Variants in PHACTR1 observed in about 807,000 individuals in gnomAD.
PHACTR1 encodes RPEL repeat containing 1.
A neutral mutation model predicts 69.2 loss-of-function variants in PHACTR1; 16 were observed. That is an observed-to-expected ratio of 0.23 (90% CI 0.16 to 0.35). PHACTR1 has a LOEUF of 0.35. Among genes scored for constraint, PHACTR1 ranks in the 10% least tolerant of loss-of-function variants. The pLI is 1.00. For synonymous variants in PHACTR1, 312 were observed against 284.5 expected (o/e 1.10, Z -0.97); for missense variants, 510 against 734.7 (o/e 0.69, Z 3.54).
At chr6:13,286,435 CTG>C in intron 14 of PHACTR1, among the ~76,000 whole-genome samples, 1 of 152,316 alleles carries the variant, frequency 6.6e-6, no homozygotes, top group Non-Finnish European at 1.5e-5. Flanking sequence ...TCTGCAAAGT[CTG>C]AGTTTCACTC....
chr6:12,915,053 A>G (rs1325784429), intron 4 of PHACTR1, among the ~76,000 whole-genome samples: 1 of 152,220 alleles, frequency 6.6e-6, no homozygotes, highest in Non-Finnish European at 1.5e-5. Flanking sequence ...TTGTCTGCAT[A>G]AAGACGGCTT....
intron 4 of PHACTR1, among the ~76,000 whole-genome samples, chr6:12,875,580 G>GT (rs1466310733): frequency 6.6e-6 from 1 of 152,124 alleles, no homozygotes; most frequent in Non-Finnish European, 1.5e-5. Flanking sequence ...TGAAAGACCA[G>GT]TAAAAAAGGT....
At chr6:12,901,972 G>A (rs1389220657) in intron 4 of PHACTR1, among the ~76,000 whole-genome samples, 1 of 152,084 alleles carries the variant, frequency 6.6e-6, no homozygotes, top group Non-Finnish European at 1.5e-5. Flanking sequence ...GCAATGTCTG[G>A]GACGTTTTTG....
In PHACTR1 at chr6:12,808,542, A is replaced by T. The variant is rs1293316408; in HGVS notation, c.250+58752A>T. On this transcript the variant is annotated intron_variant, in intron 4 of 14. Coordinates refer to ENST00000332995, the MANE Select transcript of PHACTR1 (RefSeq NM_030948.6). ...TATGAAAATAGTGGTAAAACTACAT[A>T]AAACTTATACAAAGGAATACAAGGA... Among the ~76,000 whole-genome samples the T allele has an allele frequency of 2.6e-5, 4 of 152,202 alleles. No individual in the cohort carries two copies. The South Asian group carries it at 8.3e-4, about 32-fold the overall frequency.
At chr6:12,948,090 A>G (rs1790874764) in intron 4 of PHACTR1, among the ~76,000 whole-genome samples, 1 of 152,176 alleles carries the variant, frequency 6.6e-6, no homozygotes. Flanking sequence ...GGCCAAGCTG[A>G]TTGGCAACAG....
chr6:12,783,699 T>C (rs1771119325), intron 4 of PHACTR1, among the ~76,000 whole-genome samples: 1 of 152,204 alleles, frequency 6.6e-6, no homozygotes, highest in South Asian at 2.1e-4. Flanking sequence ...ATCTTGGAAA[T>C]TATTGCCTCC....
chr6:12,855,962 C>T (rs542274483), intron 4 of PHACTR1, among the ~76,000 whole-genome samples: 1 of 152,254 alleles, frequency 6.6e-6, no homozygotes, highest in African/African-American at 2.4e-5. Context: ...AATTCCAGAG[C>T]CTTACAGCCC....
At chr6:12,725,125 A>G (rs1354214151) in intron 3 of PHACTR1, among the ~76,000 whole-genome samples, 3 of 152,220 alleles carry the variant, frequency 2.0e-5, no homozygotes, top group Admixed American at 2.0e-4. Flanking sequence ...TTGGAAATAC[A>G]GAGGAATTCA....
intron 6 of PHACTR1, among the ~76,000 whole-genome samples, chr6:13,161,485 T>C (rs928407244): frequency 2.0e-5 from 3 of 152,134 alleles, no homozygotes; most frequent in Non-Finnish European, 4.4e-5. Context: ...GGTCTTCTGA[T>C]TGTTTCATGC....
intron 4 of PHACTR1, among the ~76,000 whole-genome samples, chr6:12,854,491 C>T (rs1406105430): frequency 2.0e-5 from 3 of 152,084 alleles, no homozygotes; most frequent in African/African-American, 7.2e-5. Context: ...GAAATATCAC[C>T]GTTAGATGGA....
intron 10 of PHACTR1, 112 bp downstream of exon 10, chr6:13,230,305 A>C (rs1161641821): frequency 6.5e-7 from 1 of 1,528,336 alleles, no homozygotes; most frequent in African/African-American, 1.4e-5. Flanking sequence ...TAATCCCAGC[A>C]CTTTGGGAGG....
In PHACTR1 at chr6:13,179,405, CGTGTGTGTGT is replaced by C. The variant is rs4053019; in HGVS notation, c.497-3083_497-3074del. Among the ~76,000 whole-genome samples the C allele has an allele frequency of 0.03, 4,201 of 142,032 alleles. 89 individuals are homozygous for C. The highest frequency in any genetic ancestry group is 0.044 in the Admixed American group (617 of 13,996). 93.2% of individuals were successfully genotyped at this position (142,032 alleles called of 152,430 possible). A position where few individuals can be genotyped will look rare whatever the true frequency, so the allele number is the denominator to read the frequency against. ...TATACAGCCCATTACATTAATGTTT[CGTGTGTGTGT>C]GTGTGTGTGTGTGTGTGTGTGTGTG... On this transcript the variant is annotated intron_variant, in intron 6 of 14. Transcript: ENST00000332995. The surrounding 1 kb of genome is among the most constrained non-coding windows in gnomAD (Gnocchi z 4.2).
rs141095178 is a variant in PHACTR1, at chr6:12,794,447, G to A, written c.250+44657G>A. On this transcript the variant is annotated intron_variant, in intron 4 of 14. Coordinates refer to ENST00000332995, the MANE Select transcript of PHACTR1 (RefSeq NM_030948.6). The stretch of plus-strand genomic sequence containing the variant: ...CAAGGGAACTGCCCAAACAGATCAC[G>A]AGCCTGAATATGCTGGGCATAGAGC... Among the ~76,000 whole-genome samples, 26 of 152,302 alleles carry A rather than the reference G, an allele frequency of 1.7e-4. No homozygotes were observed. In the East Asian group the frequency reaches 3.9e-3, roughly 23 times the overall value.
chr6:12,809,221 T>C (rs1325189688), intron 4 of PHACTR1, among the ~76,000 whole-genome samples: 2 of 152,190 alleles, frequency 1.3e-5, no homozygotes, highest in South Asian at 2.1e-4. Flanking sequence ...ATCTGTGTTT[T>C]CTAACTTTCT....
intron 4 of PHACTR1, among the ~76,000 whole-genome samples, chr6:12,974,627 A>G (rs749877621): frequency 2.9e-4 from 44 of 152,196 alleles, no homozygotes; most frequent in Non-Finnish European, 5.1e-4. Flanking sequence ...TGAAAACTCA[A>G]TTGGGTGACA....
At chr6:13,059,171 G>A (rs1246600387) in intron 5 of PHACTR1, among the ~76,000 whole-genome samples, 1 of 152,064 alleles carries the variant, frequency 6.6e-6, no homozygotes, top group Admixed American at 6.6e-5. Context: ...TACCATTTGT[G>A]ACAAAATGGG....
chr6:12,793,968 A>G (rs1313864714), intron 4 of PHACTR1, among the ~76,000 whole-genome samples: 4 of 152,368 alleles, frequency 2.6e-5, no homozygotes, highest in Non-Finnish European at 5.9e-5. Flanking sequence ...CACTCCGCTA[A>G]GTCCTGGAGC....
intron 7 of PHACTR1, among the ~76,000 whole-genome samples, chr6:13,205,328 C>A (rs1765747390): frequency 1.3e-5 from 2 of 152,210 alleles, no homozygotes; most frequent in South Asian, 2.1e-4. Flanking sequence ...ACCCGTGACC[C>A]AAATGCCTCC....
intron 4 of PHACTR1, among the ~76,000 whole-genome samples, chr6:12,977,081 T>A (rs529497865): frequency 6.6e-6 from 1 of 152,130 alleles, no homozygotes; most frequent in Non-Finnish European, 1.5e-5. Flanking sequence ...TTCTCCTGCC[T>A]CGGCCTTCTG....
Sources: allele counts gnomAD v4.1 joint callset (sites outside exome capture counted in the v4.1 genomes callset), GRCh38; gene constraint gnomAD v4.1.1; non-coding constraint Gnocchi (gnomAD v3.1); transcripts MANE v1.5; gene names NCBI Gene and HGNC (gene_info 2026-07-23, HGNC 2026-07-21).